Variants in ATAT1 observed in about 807,000 individuals in gnomAD.
ATAT1 encodes alpha-tubulin N-acetyltransferase 1.
A neutral mutation model predicts 57.2 loss-of-function variants in ATAT1; 42 were observed. The ratio of observed to expected loss-of-function variants is 0.73; its 90% confidence interval spans 0.57 to 0.95. The LOEUF is 0.95. ATAT1 is among the 40% of genes least tolerant of loss of function. The pLI is 0.00. For missense variants in ATAT1, 454 were observed against 523.7 expected (o/e 0.87, Z 1.30); for synonymous variants, 168 against 187.1 (o/e 0.90, Z 0.83).
At chr6:30,630,201 G>A (rs746976059) in intron 6 of ATAT1, among the ~76,000 whole-genome samples, 104 of 151,970 alleles carry the variant, frequency 6.8e-4, no homozygotes, top group African/African-American at 2.0e-3. Flanking sequence ...CGAGCCTGTA[G>A]TCCCAGCTAC....
chr6:30,630,310 G>T (rs1443171343), intron 6 of ATAT1, among the ~76,000 whole-genome samples: 1 of 151,932 alleles, frequency 6.6e-6, no homozygotes, highest in African/African-American at 2.4e-5. Context: ...AACAGAGAGA[G>T]ACCCTGTCTC....
At chr6:30,632,853 C>T (rs1260102059) in intron 6 of ATAT1, among the ~76,000 whole-genome samples, 1 of 150,834 alleles carries the variant, frequency 6.6e-6, no homozygotes, top group Non-Finnish European at 1.5e-5. Context: ...AGGGGAATTG[C>T]TTGAATCAGG....
At chr6:30,638,023 G>C (rs1166602200) in intron 6 of ATAT1, among the ~76,000 whole-genome samples, 2 of 152,018 alleles carry the variant, frequency 1.3e-5, no homozygotes, top group Admixed American at 1.3e-4. Context: ...GACTACAGGC[G>C]CCCACCACTA....
At chr6:30,644,935 C>T (rs1224858841) in intron 10 of ATAT1, among the ~76,000 whole-genome samples, 1 of 152,160 alleles carries the variant, frequency 6.6e-6, no homozygotes, top group Non-Finnish European at 1.5e-5. Context: ...TCCAGCTCTC[C>T]CCAGTGACTT....
intron 6 of ATAT1, among the ~76,000 whole-genome samples, chr6:30,633,012 C>T (rs1763257299): frequency 6.6e-6 from 1 of 151,014 alleles, no homozygotes; most frequent in South Asian, 2.1e-4. Flanking sequence ...TAGGCAGCAA[C>T]AATCCTGGCG....
intron 10 of ATAT1, 27 bp downstream of exon 10, chr6:30,643,038 C>A (rs771033765): frequency 1.3e-6 from 2 of 1,582,976 alleles, no homozygotes; most frequent in Non-Finnish European, 1.7e-6. Context: ...GGCTAAGGAG[C>A]CTCACAGCTA....
intron 6 of ATAT1, 24 bp downstream of exon 6, chr6:30,628,454 C>A: frequency 6.5e-7 from 1 of 1,537,782 alleles, no homozygotes; most frequent in Non-Finnish European, 9.0e-7. Context: ...GAGAATAGAT[C>A]CCCACTGAGC....
At chr6:30,635,199 C>A (rs955137256) in intron 6 of ATAT1, among the ~76,000 whole-genome samples, 18 of 152,218 alleles carry the variant, frequency 1.2e-4, no homozygotes, top group Admixed American at 6.5e-4. Flanking sequence ...TATTGTGCAA[C>A]AATAAACCCA....
chr6:30,630,467 C>T (rs143299380), intron 6 of ATAT1, among the ~76,000 whole-genome samples: 2,088 of 152,170 alleles, frequency 0.014, 20 homozygotes, highest in Middle Eastern at 0.034. Flanking sequence ...AAAACCCCGT[C>T]TCTATTAAAA....
intron 6 of ATAT1, among the ~76,000 whole-genome samples, chr6:30,632,396 A>AC (rs1468862034): frequency 1.3e-5 from 2 of 151,324 alleles, no homozygotes; most frequent in African/African-American, 4.9e-5. Context: ...ATATGGTGAA[A>AC]CCCCATCTCT....
chr6:30,630,864 G>A (rs993252531), intron 6 of ATAT1, among the ~76,000 whole-genome samples: 8 of 151,896 alleles, frequency 5.3e-5, no homozygotes, highest in African/African-American at 1.9e-4. Context: ...CTTGAACCCC[G>A]GAGGCAGAGG....
At chr6:30,645,578 C>G (rs1766554584) in intron 10 of ATAT1, among the ~76,000 whole-genome samples, 1 of 152,136 alleles carries the variant, frequency 6.6e-6, no homozygotes, top group African/African-American at 2.4e-5. Flanking sequence ...AGTACCCGAT[C>G]CAACACATTT....
intron 10 of ATAT1, among the ~76,000 whole-genome samples, chr6:30,645,576 A>G (rs1766553651): frequency 6.6e-6 from 1 of 152,162 alleles, no homozygotes; most frequent in Admixed American, 6.5e-5. Context: ...AGAGTACCCG[A>G]TCCAACACAT....
chr6:30,642,094 G>C lies in ATAT1; in HGVS notation c.617-82G>C, dbSNP rs1479311208. ...TGTGGTGTCAGGGAGCAGAGGTTTG[G>C]GGTTGGGGTATAGTGGCTGGGAGGA... On this transcript the variant is annotated intron_variant, in intron 8 of 12. Coordinates refer to ENST00000330083, the MANE Select transcript of ATAT1 (RefSeq NM_001031722.4). The C allele has an allele frequency of 2.5e-6, 4 of 1,603,600 alleles. No individual in the cohort carries two copies. In the African/African-American group the frequency reaches 5.4e-5, roughly 21 times the overall value.
intron 5 of ATAT1, 23 bp from the exon 6 acceptor site, chr6:30,628,306 C>T (rs748365694): frequency 4.4e-6 from 7 of 1,607,868 alleles, no homozygotes; most frequent in Non-Finnish European, 6.0e-6. Flanking sequence ...TTCCTCCTAC[C>T]CTGAGTCTCC....
intron 9 of ATAT1, 62 bp downstream of exon 9, chr6:30,642,309 C>A (rs1157875497): frequency 6.2e-7 from 1 of 1,602,450 alleles, no homozygotes; most frequent in East Asian, 2.2e-5. Flanking sequence ...GAAGAGAATG[C>A]TCAGGGGACC....
chr6:30,638,323 C>T (rs1360701679), intron 6 of ATAT1, among the ~76,000 whole-genome samples: 1 of 151,934 alleles, frequency 6.6e-6, no homozygotes, highest in Non-Finnish European at 1.5e-5. Context: ...GATGGAGTCT[C>T]ACTCTGTCAC....
In ATAT1 at chr6:30,642,833, G is replaced by GGGGGGGGCGCCCCCCCCCCCC; in HGVS notation, c.754_755insGGGGGGGCGCCCCCCCCCCCC (p.Ala252delinsGlyGlyGlyAlaProProProPro). 1 of 1,537,876 alleles carries GGGGGGGGCGCCCCCCCCCCCC rather than the reference G, an allele frequency of 6.5e-7. No individual in the cohort carries two copies. Among genetic ancestry groups the GGGGGGGGCGCCCCCCCCCCCC allele is most frequent in the Non-Finnish European group, 8.7e-7 (1 of 1,145,784 alleles). On this transcript the variant is annotated protein_altering_variant, in exon 10 of 13. Transcript: ENST00000330083. ...GGCCCCTCGCCGCGCCACACCTCCA[G>GGGGGGGGCGCCCCCCCCCCCC]CCCACCCACCCCCCCGCTCCAGCAG...
chr6:30,640,484 T>C (rs778181939), intron 7 of ATAT1, 51 bp from the exon 8 acceptor site: 5 of 1,612,656 alleles, frequency 3.1e-6, no homozygotes, highest in East Asian at 4.5e-5. Context: ...AGCTGGACTC[T>C]TGGTCCTGCC....
Sources: gnomAD v4.1 joint callset for allele counts (sites outside exome capture counted in the v4.1 genomes callset) on GRCh38, gnomAD v4.1.1 for gene constraint, MANE v1.5 for transcripts, NCBI Gene and HGNC (gene_info 2026-07-23, HGNC 2026-07-21) for gene names.